The following NAPG variants were observed in gnomAD, a reference collection of about 807,000 sequenced individuals.
NAPG encodes the protein gamma-soluble NSF attachment protein.
A neutral mutation model predicts 48.4 loss-of-function variants in NAPG; 25 were observed. The ratio of observed to expected loss-of-function variants is 0.52; its 90% CI spans 0.38 to 0.72. NAPG has a LOEUF of 0.72. Ranked by LOEUF, NAPG falls within the 30% of genes least tolerant of loss-of-function variation. The pLI is 0.00. For synonymous variants in NAPG, 139 were observed against 127.2 expected, an observed-to-expected ratio of 1.09 and a Z score of -0.62; for missense variants, 359 against 372.5, an observed-to-expected ratio of 0.96 and a Z score of 0.30.
At chr18:10,526,437 AG>A (rs1338107554) in intron 1 of NAPG, 2 of 459,248 alleles carry the variant, frequency 4.4e-6, no homozygotes, top group African/African-American at 2.1e-5. Flanking sequence ...CTGCGGGGCG[AG>A]GGCTTCTCTA....
intron 2 of NAPG, among the ~76,000 whole-genome samples, chr18:10,531,209 T>C (rs2031921542): frequency 6.6e-6 from 1 of 152,238 alleles, no homozygotes; most frequent in African/African-American, 2.4e-5. Flanking sequence ...AATTTTTTGT[T>C]AACTTAGCCT....
At chr18:10,536,940 A>T (rs557263843) in intron 5 of NAPG, among the ~76,000 whole-genome samples, 3 of 151,020 alleles carry the variant, frequency 2.0e-5, no homozygotes, top group South Asian at 2.1e-4. Flanking sequence ...CTCCCCAAAA[A>T]CTTTACTAAT....
At chr18:10,527,940 C>G (rs1211372010) in intron 1 of NAPG, among the ~76,000 whole-genome samples, 1 of 152,038 alleles carries the variant, frequency 6.6e-6, no homozygotes, top group Non-Finnish European at 1.5e-5. Context: ...AATCCCAGCA[C>G]TTTGGGAGGC....
In NAPG at chr18:10,544,295, A is replaced by G. The variant is rs1453470021; in HGVS notation, c.507-2031A>G. 2.0e-5 allele frequency among the ~76,000 whole-genome samples: 3 copies of G among 152,246 alleles called. No individual in the cohort carries two copies. Among genetic ancestry groups the G allele is most frequent in the Admixed American group, 6.5e-5 (1 of 15,286 alleles). ...GTTTCATGAGGCCAGAAGTCTGGAT[A>G]CAGTGTAGCTAGGTCCTAGTGTAGC... is the stretch of plus-strand genomic sequence containing the variant. On this transcript the variant is annotated intron_variant, in intron 8 of 11. Transcript: ENST00000322897. This position sits in a 1 kb window ranked among gnomAD's most constrained non-coding sequence, Gnocchi z 5.1.
intron 2 of NAPG, among the ~76,000 whole-genome samples, chr18:10,531,767 G>A (rs1056001609): frequency 5.3e-5 from 8 of 152,140 alleles, no homozygotes; most frequent in African/African-American, 1.9e-4. Context: ...CCTCTGTGAG[G>A]GAAATTTAAC....
In NAPG at chr18:10,552,119, G is replaced by C. The variant is rs1390072408; in HGVS notation, c.*1899G>C. 1 of 152,164 alleles carries C rather than the reference G, an allele frequency of 6.6e-6. No individual in the cohort carries two copies. Among genetic ancestry groups the C allele is most frequent in the Non-Finnish European group, 1.5e-5 (1 of 68,028 alleles). 9.4% of individuals were successfully genotyped at this position (152,164 alleles called of 1,614,324 possible). On this transcript the variant is annotated 3_prime_UTR_variant, in exon 12 of 12. Transcript: ENST00000322897. The stretch of plus-strand genomic sequence containing the variant: ...AGATACTGTAGACTATTTATGTATA[G>C]ATAGATCATATTACCCATTAAAGTC...
rs1426066953 is a variant in NAPG at position 10,534,523 on chromosome 18, G to T, written c.258+27G>T. ...TCAGTAATGTTATGTCACAATTGTT[G>T]TGTAGGTAAAATGAATTAACTACAA... On this transcript the variant is annotated intron_variant, in intron 5 of 11. Coordinates refer to ENST00000322897, the MANE Select transcript of NAPG (RefSeq NM_003826.3). This position sits in a 1 kb window ranked among gnomAD's most constrained non-coding sequence, Gnocchi z 5.0. 4 of 1,610,002 alleles carry T rather than the reference G, an allele frequency of 2.5e-6. No homozygotes were observed. In the South Asian group the frequency reaches 3.3e-5, roughly 13 times the overall value.
Position 10,526,934 on chromosome 18 carries a change from A to T in NAPG, c.56+776A>T, listed in dbSNP as rs374521900. Among the ~76,000 whole-genome samples, 456 of 152,236 alleles carry T rather than the reference A, an allele frequency of 3.0e-3. 3 individuals carry two copies. The highest frequency in any genetic ancestry group is 0.01 in the African/African-American group (419 of 41,548). ...GCCGGGCGCGGTGGCTCACGTCTGC[A>T]ATCCCAGCACTTTGGGAGGCCGAGG... On this transcript the variant is annotated intron_variant, in intron 1 of 11. Transcript: ENST00000322897.
chr18:10,527,921 C>T (rs1801642909), intron 1 of NAPG, among the ~76,000 whole-genome samples: 1 of 151,964 alleles, frequency 6.6e-6, no homozygotes, highest in Admixed American at 6.5e-5. Flanking sequence ...CCCTGTCGCT[C>T]ATGCCTGTAA....
chr18:10,536,815 T>C (rs1038302399), intron 5 of NAPG, among the ~76,000 whole-genome samples: 1 of 152,156 alleles, frequency 6.6e-6, no homozygotes, highest in African/African-American at 2.4e-5. Flanking sequence ...ATTCACATTA[T>C]ATATGTAATT....
At chr18:10,536,257 A>G (rs983696279) in intron 5 of NAPG, among the ~76,000 whole-genome samples, 1 of 152,222 alleles carries the variant, frequency 6.6e-6, no homozygotes, top group African/African-American at 2.4e-5. Flanking sequence ...GCTTTCTGGC[A>G]TTGTCTTATA....
intron 1 of NAPG, chr18:10,526,446 C>T (rs1048408406): frequency 2.3e-6 from 1 of 435,536 alleles, no homozygotes; most frequent in Non-Finnish European, 4.1e-6. Flanking sequence ...GAGGGCTTCT[C>T]TACTTGGGCG....
chr18:10,531,775 AAC>A (rs1301979341), intron 2 of NAPG, among the ~76,000 whole-genome samples: 2 of 152,236 alleles, frequency 1.3e-5, no homozygotes, highest in African/African-American at 4.8e-5. Flanking sequence ...AGGGAAATTT[AAC>A]ACAGATTTGT....
Position 10,548,893 on chromosome 18 carries a change from G to A in NAPG, c.666-74G>A, listed in dbSNP as rs1218582431. ...GTCTCCAGACAGTGTCACATGCCAG[G>A]GGCAGAATCATCCCTGCCTGAGATG... On this transcript the variant is annotated intron_variant, in intron 10 of 11. Transcript: ENST00000322897. This position sits in a 1 kb window ranked among gnomAD's most constrained non-coding sequence, Gnocchi z 4.4. 1 of 1,540,118 alleles carries A rather than the reference G, an allele frequency of 6.5e-7. No individual in the cohort carries two copies. The highest frequency in any genetic ancestry group is 8.8e-7 in the Non-Finnish European group (1 of 1,131,978).
At chr18:10,531,925 C>G (rs1223027273) in intron 2 of NAPG, among the ~76,000 whole-genome samples, 1 of 152,150 alleles carries the variant, frequency 6.6e-6, no homozygotes, top group East Asian at 1.9e-4. Context: ...TTTTAAAAAG[C>G]AACATATGGA....
chr18:10,537,584 T>C (rs1299688119), intron 5 of NAPG, among the ~76,000 whole-genome samples: 2 of 152,154 alleles, frequency 1.3e-5, no homozygotes, highest in Admixed American at 6.5e-5. Context: ...AAATCTCTGC[T>C]GTTCAAGGTT....
Position 10,551,684 on chromosome 18 carries a change from T to G in NAPG, c.*1464T>G, listed in dbSNP as rs2032398329. The G allele has an allele frequency of 6.6e-6, 1 of 152,210 alleles. No homozygotes were observed. The highest frequency in any genetic ancestry group is 2.4e-5 in the African/African-American group (1 of 41,446). The allele number at this position is 152,210 out of a possible 1,614,324, so 9.4% of individuals were successfully genotyped here. A position where few individuals can be genotyped will look rare whatever the true frequency, so the allele number is the denominator to read the frequency against. ...TATTTGAGTATAGGTTGCTTAATTT[T>G]GCTAGACTTCCTGAAAACACTAAGG... On this transcript the variant is annotated 3_prime_UTR_variant, in exon 12 of 12. Coordinates refer to ENST00000322897, the MANE Select transcript of NAPG (RefSeq NM_003826.3).
chr18:10,537,367 ATAT>A (rs1339560911), intron 5 of NAPG, among the ~76,000 whole-genome samples: 2 of 152,256 alleles, frequency 1.3e-5, no homozygotes, highest in Non-Finnish European at 2.9e-5. Flanking sequence ...AGAAAAGAAA[ATAT>A]TAAGAAAATC....
At position 10,551,415 on chromosome 18, in the gene NAPG, T is replaced by G. The variant is rs900854290; in HGVS notation, c.*1195T>G. On this transcript the variant is annotated 3_prime_UTR_variant, in exon 12 of 12. Coordinates refer to ENST00000322897, the MANE Select transcript of NAPG (RefSeq NM_003826.3). ...TGAAAACTTAGCTGAAAGGGAAGAA[T>G]TGTTTTAGAAAGACAATATTTAAAA... 1 of 152,226 alleles carries G rather than the reference T, an allele frequency of 6.6e-6. No homozygotes were observed. Among genetic ancestry groups the G allele is most frequent in the Non-Finnish European group, 1.5e-5 (1 of 68,036 alleles). 9.4% of individuals were successfully genotyped at this position (152,226 alleles called of 1,614,324 possible).
Sources: allele counts gnomAD v4.1 joint callset (sites outside exome capture counted in the v4.1 genomes callset), GRCh38; gene constraint gnomAD v4.1.1; non-coding constraint Gnocchi (gnomAD v3.1); transcripts MANE v1.5; gene names NCBI Gene and HGNC (gene_info 2026-07-23, HGNC 2026-07-21).